TSPAN18: variants seen among roughly 807,000 people sequenced by gnomAD.
TSPAN18 encodes tetraspanin-18.
In TSPAN18, 14 loss-of-function variants were observed where a neutral mutation model predicts 27.3. The ratio of observed to expected loss-of-function variants is 0.51; its 90% CI spans 0.34 to 0.80. The LOEUF is 0.80. TSPAN18 is among the 30% of genes least tolerant of loss of function. The pLI is 0.01. For missense variants in TSPAN18, 268 were observed against 323.9 expected, an observed-to-expected ratio of 0.83 and a Z score of 1.32; for synonymous variants, 143 against 136.5, an observed-to-expected ratio of 1.05 and a Z score of -0.33.
chr11:44,841,206 A>T (rs1378068198), intron 2 of TSPAN18, among the ~76,000 whole-genome samples: 3 of 152,202 alleles, frequency 2.0e-5, no homozygotes, highest in African/African-American at 7.2e-5. Flanking sequence ...AAAACAAGGT[A>T]GCCAGGAATT....
At chr11:44,903,837 C>G (rs778907156) in intron 3 of TSPAN18, 1 of 456,720 alleles carries the variant, frequency 2.2e-6, no homozygotes, top group Admixed American at 2.3e-5. Context: ...TCACCACTCA[C>G]TAGCTGTGAC....
chr11:44,837,452 G>GT (rs1424062147), intron 2 of TSPAN18, among the ~76,000 whole-genome samples: 2 of 152,206 alleles, frequency 1.3e-5, no homozygotes, highest in Non-Finnish European at 2.9e-5. Context: ...ACTACTCCTG[G>GT]TAAAGTTGCT....
At chr11:44,847,290 G>A (rs970408935) in intron 2 of TSPAN18, among the ~76,000 whole-genome samples, 39 of 152,284 alleles carry the variant, frequency 2.6e-4, no homozygotes, top group South Asian at 8.3e-4. Context: ...CCTGGGCTCA[G>A]AAAGCCACAA....
intron 3 of TSPAN18, among the ~76,000 whole-genome samples, chr11:44,863,872 G>A (rs2135220976): frequency 6.6e-6 from 1 of 152,186 alleles, no homozygotes; most frequent in East Asian, 1.9e-4. Flanking sequence ...ACCTGCCAGG[G>A]ATCAGCATTC....
At chr11:44,904,485 G>A (rs1336112361) in intron 3 of TSPAN18, among the ~76,000 whole-genome samples, 1 of 152,208 alleles carries the variant, frequency 6.6e-6, no homozygotes, top group Non-Finnish European at 1.5e-5. Flanking sequence ...CAGACATCTG[G>A]CACCTTGGCA....
chr11:44,813,579 G>C (rs1856763876), intron 2 of TSPAN18, among the ~76,000 whole-genome samples: 1 of 152,208 alleles, frequency 6.6e-6, no homozygotes, highest in Non-Finnish European at 1.5e-5. Flanking sequence ...CTGGGAGTAA[G>C]ACCTCTATGA....
At chr11:44,727,760 G>A (rs1854551590) in intron 1 of TSPAN18, among the ~76,000 whole-genome samples, 1 of 152,242 alleles carries the variant, frequency 6.6e-6, no homozygotes, top group African/African-American at 2.4e-5. Context: ...CTGCATGGAG[G>A]GCGGGCTGCC....
At chr11:44,818,380 G>C (rs1205336016) in intron 2 of TSPAN18, among the ~76,000 whole-genome samples, 1 of 152,224 alleles carries the variant, frequency 6.6e-6, no homozygotes, top group Non-Finnish European at 1.5e-5. Context: ...GCAATGGAGA[G>C]CCTGGGGCCA....
At chr11:44,757,211 A>G (rs527966311) in intron 1 of TSPAN18, among the ~76,000 whole-genome samples, 1 of 152,258 alleles carries the variant, frequency 6.6e-6, no homozygotes, top group East Asian at 1.9e-4. Context: ...ATTCCCACCA[A>G]CAGTGGGAAC....
intron 2 of TSPAN18, among the ~76,000 whole-genome samples, chr11:44,787,015 A>G (rs75909158): frequency 0.017 from 2,607 of 152,236 alleles, 40 homozygotes; most frequent in Non-Finnish European, 0.024. Context: ...TGCTCTGACT[A>G]TTAGCCAGGG....
chr11:44,814,248 T>A (rs145056230), intron 2 of TSPAN18, among the ~76,000 whole-genome samples: 33 of 149,030 alleles, frequency 2.2e-4, no homozygotes, highest in Non-Finnish European at 3.9e-4. Context: ...ATTTTTTTTT[T>A]AAGATAACAA....
At chr11:44,848,145 C>CT (rs765562049) in intron 2 of TSPAN18, among the ~76,000 whole-genome samples, 3 of 152,162 alleles carry the variant, frequency 2.0e-5, no homozygotes, top group Non-Finnish European at 4.4e-5. Context: ...CTCAAAGTAC[C>CT]TTTTGAAGAG....
chr11:44,881,471 G>T (rs1858487495), intron 3 of TSPAN18, among the ~76,000 whole-genome samples: 1 of 152,210 alleles, frequency 6.6e-6, no homozygotes, highest in Admixed American at 6.5e-5. Context: ...GTTGAGCAAA[G>T]AACTCCAACA....
chr11:44,785,267 C>A (rs999098084), intron 2 of TSPAN18, among the ~76,000 whole-genome samples: 1 of 152,186 alleles, frequency 6.6e-6, no homozygotes, highest in Non-Finnish European at 1.5e-5. Context: ...CCTGAAGTCA[C>A]CTTTTTCCCA....
chr11:44,738,811 C>T (rs527708810), intron 1 of TSPAN18, among the ~76,000 whole-genome samples: 29 of 152,290 alleles, frequency 1.9e-4, no homozygotes, highest in African/African-American at 5.3e-4. Flanking sequence ...ACAATTTAGC[C>T]GGTAACATCT....
chr11:44,734,336 A>G (rs549125629), intron 1 of TSPAN18, among the ~76,000 whole-genome samples: 2 of 152,364 alleles, frequency 1.3e-5, no homozygotes, highest in African/African-American at 2.4e-5. Context: ...TGTGGATAGT[A>G]AGATGTCCAG....
intron 9 of TSPAN18, among the ~76,000 whole-genome samples, chr11:44,927,687 A>C (rs835989): frequency 0.89 from 135,539 of 152,202 alleles, 60,384 homozygotes; most frequent in Admixed American, 0.92. Flanking sequence ...CCCCTCATGG[A>C]GGGCAACAAT....
chr11:44,809,773 C>T (rs779004689), intron 2 of TSPAN18, among the ~76,000 whole-genome samples: 3 of 152,214 alleles, frequency 2.0e-5, no homozygotes, highest in Non-Finnish European at 4.4e-5. Flanking sequence ...TCAGGTTCCA[C>T]TTCTGTAAAA....
chr11:44,904,731 C>T (rs989951639), intron 3 of TSPAN18, among the ~76,000 whole-genome samples: 2 of 152,222 alleles, frequency 1.3e-5, no homozygotes, highest in Non-Finnish European at 2.9e-5. Flanking sequence ...GAGAGGCAGG[C>T]ACCGCTCTGC....
Sources: gnomAD v4.1 joint callset for allele counts (sites outside exome capture counted in the v4.1 genomes callset) on GRCh38, gnomAD v4.1.1 for gene constraint, MANE v1.5 for transcripts, NCBI Gene and HGNC (gene_info 2026-07-23, HGNC 2026-07-21) for gene names.